The following MTMR8 variants were observed in gnomAD, a reference collection of about 807,000 sequenced individuals.
The protein encoded by MTMR8 is phosphatidylinositol-3,5-bisphosphate 3-phosphatase MTMR8.
MTMR8 carries 65 observed loss-of-function variants against 39.3 expected under a neutral mutation model. That is an observed-to-expected ratio of 1.65 (90% CI 1.35 to 2.03). MTMR8 has a LOEUF of 2.03. Ranked by LOEUF, MTMR8 falls within the 30% of genes most tolerant of loss-of-function variation. The probability of loss-of-function intolerance (pLI) is 0.00; values close to 1 mark genes in which losing one functional copy is unlikely to be tolerated. For synonymous variants in MTMR8, 245 were observed against 185.2 expected (o/e 1.32, Z -2.62); for missense variants, 777 against 538.9 (o/e 1.44, Z -4.37).
intron 4 of MTMR8, among the ~76,000 whole-genome samples, chrX:64,353,871 G>C (rs934893034): frequency 1.9e-4 from 21 of 111,025 alleles, no homozygotes; most frequent in Non-Finnish European, 3.4e-4. Flanking sequence ...AGGCTACACT[G>C]AGCTATGGTC....
Position 64,311,403 on chromosome X carries a change from C to T in MTMR8, c.1481+17369G>A, listed in dbSNP as rs747485502. On this transcript the variant is annotated intron_variant, in intron 12 of 13. Coordinates refer to ENST00000374852, the MANE Select transcript of MTMR8 (RefSeq NM_017677.4). The stretch of plus-strand genomic sequence containing the variant: ...TAGATTCTGGATATTAGCCCTTTGT[C>T]AGATGGGTAGATTGCAAAAATTTTC... 1.9e-4 allele frequency among the ~76,000 whole-genome samples: 21 copies of T among 111,141 alleles called. 1 individual carries two copies. The South Asian group carries it at 7.2e-3, about 38-fold the overall frequency.
At chrX:64,280,338 A>T (rs1350042033) in intron 12 of MTMR8, among the ~76,000 whole-genome samples, 1 of 112,016 alleles carries the variant, frequency 8.9e-6, no homozygotes, top group African/African-American at 3.2e-5. Flanking sequence ...CACATCAAAA[A>T]GATTATCCAC....
At chrX:64,391,475 C>A (rs1201470613) in intron 1 of MTMR8, among the ~76,000 whole-genome samples, 2 of 112,042 alleles carry the variant, frequency 1.8e-5, no homozygotes, top group Non-Finnish European at 3.8e-5. Context: ...CATCAGATCA[C>A]AAGACAGAAT....
chrX:64,352,136 C>A (rs780741833), intron 4 of MTMR8, among the ~76,000 whole-genome samples: 5 of 111,631 alleles, frequency 4.5e-5, no homozygotes, highest in African/African-American at 1.6e-4. Flanking sequence ...ATACACTAAG[C>A]AGAACGTGCC....
At position 64,354,874 on chromosome X, in the gene MTMR8, TC is replaced by T; in HGVS notation, c.370del (p.Glu124LysfsTer6). 8.3e-7 allele frequency: 1 copy of T among 1,205,952 alleles called. No individual in the cohort carries two copies. The highest frequency in any genetic ancestry group is 1.7e-5 in the African/African-American group (1 of 57,604). On this transcript the variant is annotated frameshift_variant, in exon 4 of 14. Transcript: ENST00000374852. LOFTEE classifies it high-confidence loss of function. The part of the protein sequence containing the change: ...YNPKSSKEMR[E>X]SGWKLIDPIS... ...TGGGTCAATCAGTTTCCATCCACTT[TC>T]CCTCATCTCTTTTGAGGATTTGGGA...
chrX:64,387,413 C>G (rs1160010770), intron 1 of MTMR8, among the ~76,000 whole-genome samples: 3 of 111,079 alleles, frequency 2.7e-5, no homozygotes, highest in Admixed American at 9.6e-5. Context: ...ACTTAAAGAA[C>G]AGTCTTTGAG....
At chrX:64,315,480 C>T (rs1172489018) in intron 12 of MTMR8, among the ~76,000 whole-genome samples, 1 of 112,024 alleles carries the variant, frequency 8.9e-6, no homozygotes, top group African/African-American at 3.2e-5. Context: ...AGCTGTTCCA[C>T]CTGGCTGTGT....
At chrX:64,299,427 C>A (rs1253734900) in intron 12 of MTMR8, among the ~76,000 whole-genome samples, 1 of 107,670 alleles carries the variant, frequency 9.3e-6, no homozygotes, top group Non-Finnish European at 1.9e-5. Flanking sequence ...GTGGTGATAT[C>A]CCCTTTATCA....
intron 8 of MTMR8, among the ~76,000 whole-genome samples, chrX:64,338,286 C>G (rs776463440): frequency 8.9e-6 from 1 of 111,786 alleles, no homozygotes; most frequent in South Asian, 3.8e-4. Flanking sequence ...ACAAAAGAGA[C>G]AAACACTTAA....
rs866838281 is a variant in MTMR8, at chrX:64,331,729, C to T, written c.1180G>A (p.Glu394Lys). The T allele has an allele frequency of 8.3e-7, 1 of 1,208,560 alleles. No homozygotes were observed. Among genetic ancestry groups the T allele is most frequent in the Admixed American group, 2.2e-5 (1 of 45,902 alleles). Reference protein sequence around the residue: ...RCGHLDGDSKEVSPIFTQFLD... With the variant: ...RCGHLDGDSKKVSPIFTQFLD... ...AACTGGGTGAAGATAGGGGACACTT[C>T]TTTAGAGTCCCCATCGAGGTGGCCA... The change falls in exon 11 of 14, where the codon GAA (glutamate) becomes AAA (lysine). Residue 394 changes from glutamate (E) to lysine (K), a missense_variant. Coordinates refer to ENST00000374852, the MANE Select transcript of MTMR8 (RefSeq NM_017677.4).
intron 8 of MTMR8, among the ~76,000 whole-genome samples, chrX:64,339,551 G>A (rs1277270446): frequency 5.4e-5 from 6 of 111,481 alleles, no homozygotes; most frequent in Admixed American, 3.8e-4. Flanking sequence ...TTCAGAAGGC[G>A]CCAACCAAGA....
intron 1 of MTMR8, among the ~76,000 whole-genome samples, chrX:64,378,610 G>C (rs2147244586): frequency 8.9e-6 from 1 of 111,906 alleles, no homozygotes; most frequent in Non-Finnish European, 1.9e-5. Flanking sequence ...CAAACTAAAA[G>C]AAAATACCTC....
At chrX:64,284,432 T>C (rs2147133174) in intron 12 of MTMR8, among the ~76,000 whole-genome samples, 1 of 111,972 alleles carries the variant, frequency 8.9e-6, no homozygotes, top group African/African-American at 3.2e-5. Context: ...TTCCCCAATC[T>C]AGCAAGGCAG....
At chrX:64,303,751 T>C (rs966599564) in intron 12 of MTMR8, among the ~76,000 whole-genome samples, 3 of 112,757 alleles carry the variant, frequency 2.7e-5, no homozygotes, top group Admixed American at 1.9e-4. Context: ...TTCCACATCA[T>C]TTTCATATAA....
At chrX:64,323,068 C>T (rs779378940) in intron 12 of MTMR8, among the ~76,000 whole-genome samples, 38 of 112,237 alleles carry the variant, frequency 3.4e-4, no homozygotes, top group East Asian at 2.0e-3. Context: ...ATTTGGCCCC[C>T]GTGTGACAAT....
intron 4 of MTMR8, among the ~76,000 whole-genome samples, chrX:64,352,470 C>G (rs1345770187): frequency 1.8e-5 from 2 of 111,625 alleles, no homozygotes; most frequent in African/African-American, 6.5e-5. Context: ...AACACATTCC[C>G]AGATGTCCAT....
intron 2 of MTMR8, among the ~76,000 whole-genome samples, chrX:64,358,132 G>T (rs751558265): frequency 9.0e-6 from 1 of 111,714 alleles, no homozygotes; most frequent in East Asian, 2.8e-4. Flanking sequence ...CTAAAGAACT[G>T]GTTCCTAAAC....
At chrX:64,391,422 C>T (rs1410678087) in intron 1 of MTMR8, among the ~76,000 whole-genome samples, 1 of 112,146 alleles carries the variant, frequency 8.9e-6, no homozygotes, top group East Asian at 2.8e-4. Flanking sequence ...GTCTAAGAGG[C>T]TGTAAACTTG....
chrX:64,282,928 T>C (rs1416324851), intron 12 of MTMR8, among the ~76,000 whole-genome samples: 1 of 111,729 alleles, frequency 9.0e-6, no homozygotes, highest in East Asian at 2.8e-4. Flanking sequence ...ATTTCTGTAT[T>C]TCCAACTGAG....
Sources: gnomAD v4.1 joint callset for allele counts (sites outside exome capture counted in the v4.1 genomes callset) on GRCh38, gnomAD v4.1.1 for gene constraint, MANE v1.5 for transcripts, NCBI Gene and HGNC (gene_info 2026-07-23, HGNC 2026-07-21) for gene names.